The following ANXA3 variants were observed in gnomAD, a reference collection of about 807,000 sequenced individuals.
ANXA3 encodes the protein 35-alpha calcimedin.
In ANXA3, 46 loss-of-function variants were observed where a neutral mutation model predicts 48.8. The observed-to-expected ratio is 0.94, with a 90% CI of 0.74 to 1.21. The LOEUF is 1.21. ANXA3 is among the 50% of genes most tolerant of loss of function. The pLI is 0.00. For synonymous variants in ANXA3, 128 were observed against 134.7 expected, an observed-to-expected ratio of 0.95 and a Z score of 0.35; for missense variants, 383 against 378.6, an observed-to-expected ratio of 1.01 and a Z score of -0.10.
intron 2 of ANXA3, among the ~76,000 whole-genome samples, chr4:78,566,092 G>A (rs1201776699): frequency 6.6e-6 from 1 of 152,140 alleles, no homozygotes. Flanking sequence ...CTGGAGAGGC[G>A]GGAAGAAACC....
At chr4:78,601,148 G>A (rs1723526310) in intron 10 of ANXA3, among the ~76,000 whole-genome samples, 1 of 152,202 alleles carries the variant, frequency 6.6e-6, no homozygotes, top group Non-Finnish European at 1.5e-5. Flanking sequence ...TTCATCAGTA[G>A]CCCGAGATGC....
chr4:78,578,324 A>AGAGG (rs1723001551), intron 3 of ANXA3, among the ~76,000 whole-genome samples: 1 of 111,516 alleles, frequency 9.0e-6, no homozygotes, highest in African/African-American at 3.6e-5. Flanking sequence ...AGAGAGAGAG[A>AGAGG]GAGAGAAAGG....
chr4:78,583,216 C>T (rs145492175), intron 5 of ANXA3, among the ~76,000 whole-genome samples: 1 of 152,144 alleles, frequency 6.6e-6, no homozygotes, highest in Non-Finnish European at 1.5e-5. Context: ...GTAGTGCATT[C>T]CTGTAGTCCC....
At chr4:78,582,513 A>G (rs1723093247) in intron 5 of ANXA3, 4 of 444,950 alleles carry the variant, frequency 9.0e-6, no homozygotes, top group African/African-American at 2.0e-5. Flanking sequence ...TGACATGAAG[A>G]GTCAAGTTCT....
intron 11 of ANXA3, chr4:78,601,801 G>T: frequency 7.9e-6 from 3 of 379,638 alleles, no homozygotes; most frequent in Non-Finnish European, 1.4e-5. Context: ...TTTCTAAGTA[G>T]GTATAATTTG....
chr4:78,556,422 T>TA (rs112647086), intron 2 of ANXA3, among the ~76,000 whole-genome samples: 1 of 151,914 alleles, frequency 6.6e-6, no homozygotes, highest in African/African-American at 2.4e-5. Flanking sequence ...GAAAGACTAT[T>TA]ACATCAAAAC....
chr4:78,559,392 T>A (rs979743252), intron 2 of ANXA3, among the ~76,000 whole-genome samples: 2 of 152,286 alleles, frequency 1.3e-5, no homozygotes, highest in East Asian at 3.9e-4. Context: ...GGTGCTAAAA[T>A]TTTTTTAAAT....
At chr4:78,562,520 G>A (rs926666475) in intron 2 of ANXA3, among the ~76,000 whole-genome samples, 15 of 152,136 alleles carry the variant, frequency 9.9e-5, no homozygotes, top group Non-Finnish European at 2.1e-4. Context: ...GTCTGACACC[G>A]GCATTTGAGA....
chr4:78,581,874 A>T (rs534440660), intron 4 of ANXA3, among the ~76,000 whole-genome samples: 2 of 152,268 alleles, frequency 1.3e-5, no homozygotes, highest in South Asian at 4.1e-4. Context: ...CCCTTACCCC[A>T]ATCTAAGCAT....
rs986524227 is a variant in ANXA3 at position 78,610,162 on chromosome 4, C to T, written c.*47C>T. On this transcript the variant is annotated 3_prime_UTR_variant, in exon 13 of 13. Transcript: ENST00000264908. The stretch of plus-strand genomic sequence containing the variant: ...GGTCCACGATGGGCTTTCCCAACAG[C>T]TCCACCTTACTTCTTCTCATACTAT... 1 of 1,326,598 alleles carries T rather than the reference C, an allele frequency of 7.5e-7. No homozygotes were observed. The allele number at this position is 1,326,598 out of a possible 1,614,324, so 82.2% of individuals were successfully genotyped here. A position where few individuals can be genotyped will look rare whatever the true frequency, so the allele number is the denominator to read the frequency against.
chr4:78,599,725 C>A (rs748414518), intron 10 of ANXA3, among the ~76,000 whole-genome samples: 18 of 151,790 alleles, frequency 1.2e-4, no homozygotes, highest in Non-Finnish European at 2.5e-4. Flanking sequence ...ATTTTTTTTC[C>A]ATTTTATATT....
At chr4:78,572,960 C>T in intron 2 of ANXA3, 2 of 633,526 alleles carry the variant, frequency 3.2e-6, no homozygotes, top group South Asian at 3.0e-5. Context: ...GCAAAGACAG[C>T]CAGCCTGTGA....
chr4:78,607,642 C>T (rs1456747182), intron 12 of ANXA3, among the ~76,000 whole-genome samples: 1 of 152,010 alleles, frequency 6.6e-6, no homozygotes, highest in Non-Finnish European at 1.5e-5. Context: ...TCACAATCAA[C>T]TCATAATCTA....
At chr4:78,575,135 C>T (rs1560443913) in intron 3 of ANXA3, among the ~76,000 whole-genome samples, 1 of 152,156 alleles carries the variant, frequency 6.6e-6, no homozygotes, top group Non-Finnish European at 1.5e-5. Flanking sequence ...TAAGCATCCT[C>T]ACTTGTGCAT....
intron 2 of ANXA3, among the ~76,000 whole-genome samples, chr4:78,572,112 G>A (rs1722851235): frequency 6.6e-6 from 1 of 152,312 alleles, no homozygotes; most frequent in East Asian, 1.9e-4. Flanking sequence ...TGAAAAATAA[G>A]AAGATTTAGG....
intron 2 of ANXA3, among the ~76,000 whole-genome samples, chr4:78,570,541 G>C (rs1429893461): frequency 6.6e-6 from 1 of 152,132 alleles, no homozygotes; most frequent in Non-Finnish European, 1.5e-5. Context: ...GTGTGTCCTG[G>C]TCATATACAT....
At chr4:78,595,008 C>T (rs189518514) in intron 7 of ANXA3, among the ~76,000 whole-genome samples, 204 of 152,236 alleles carry the variant, frequency 1.3e-3, no homozygotes, top group Non-Finnish European at 2.4e-3. Flanking sequence ...GTGGTGTGCA[C>T]CTGTAGTCAT....
chr4:78,591,641 ATT>A lies in ANXA3; in HGVS notation c.483+23_483+24del. On this transcript the variant is annotated intron_variant, in intron 7 of 12. Transcript: ENST00000264908. ...TGGCAGATGTAAGGTTTTATTTTTT[ATT>A]TTTTAACTCCCCAGTAAGCTGCATG... The A allele has an allele frequency of 1.3e-6, 2 of 1,584,934 alleles. No homozygotes were observed. The highest frequency in any genetic ancestry group is 8.7e-7 in the Non-Finnish European group (1 of 1,154,678).
chr4:78,566,157 G>T (rs1457491275), intron 2 of ANXA3, among the ~76,000 whole-genome samples: 3 of 152,122 alleles, frequency 2.0e-5, no homozygotes, highest in Non-Finnish European at 4.4e-5. Flanking sequence ...AGTGACACAT[G>T]CTCCAAGGGG....
Sources: allele counts gnomAD v4.1 joint callset (sites outside exome capture counted in the v4.1 genomes callset), GRCh38; gene constraint gnomAD v4.1.1; transcripts MANE v1.5; gene names NCBI Gene and HGNC (gene_info 2026-07-23, HGNC 2026-07-21).